GALNTL6: variants seen among roughly 807,000 people sequenced by gnomAD.
The protein encoded by GALNTL6 is polypeptide N-acetylgalactosaminyltransferase-like 6.
A neutral mutation model predicts 73.7 loss-of-function variants in GALNTL6; 46 were observed. The observed-to-expected ratio is 0.62, with a 90% CI of 0.49 to 0.80. The LOEUF (loss-of-function observed/expected upper bound fraction) is 0.80, where lower values mean the gene tolerates loss of function less well. Among genes scored for constraint, GALNTL6 ranks in the 30% least tolerant of loss-of-function variants. The probability of loss-of-function intolerance (pLI) is 0.00; values close to 1 mark genes in which losing one functional copy is unlikely to be tolerated. For synonymous variants in GALNTL6, 259 were observed against 263.7 expected, an observed-to-expected ratio of 0.98 and a Z score of 0.17; for missense variants, 604 against 755.0, an observed-to-expected ratio of 0.80 and a Z score of 2.34.
chr4:172,225,433 C>T (rs746528177), intron 2 of GALNTL6, among the ~76,000 whole-genome samples: 4 of 138,360 alleles, frequency 2.9e-5, no homozygotes, highest in Admixed American at 7.3e-5. Flanking sequence ...TTTTTTTTTA[C>T]GGTGACCATT....
intron 5 of GALNTL6, among the ~76,000 whole-genome samples, chr4:172,555,101 TG>T (rs1174386576): frequency 6.6e-6 from 1 of 152,196 alleles, no homozygotes; most frequent in Non-Finnish European, 1.5e-5. Context: ...TAGCTTTTAA[TG>T]TTGATTTTGT....
chr4:172,308,644 C>A (rs963280903), intron 3 of GALNTL6, among the ~76,000 whole-genome samples: 1 of 152,006 alleles, frequency 6.6e-6, no homozygotes, highest in Non-Finnish European at 1.5e-5. Flanking sequence ...TATTGACTTG[C>A]ACCTGGCATA....
chr4:172,274,498 C>T (rs945656762), intron 3 of GALNTL6, among the ~76,000 whole-genome samples: 3 of 152,166 alleles, frequency 2.0e-5, no homozygotes, highest in South Asian at 2.1e-4. Context: ...TCTGAGTATA[C>T]GTTAGGACAA....
intron 2 of GALNTL6, among the ~76,000 whole-genome samples, chr4:172,098,871 C>A (rs1732430654): frequency 6.6e-6 from 1 of 152,024 alleles, no homozygotes. Context: ...GTCAGTACTC[C>A]ACCCCCAAAC....
chr4:172,935,845 C>A (rs1176953702), intron 9 of GALNTL6, among the ~76,000 whole-genome samples: 1 of 152,168 alleles, frequency 6.6e-6, no homozygotes, highest in East Asian at 1.9e-4. Context: ...CAAATTCTAC[C>A]AGAGGTACAA....
intron 2 of GALNTL6, among the ~76,000 whole-genome samples, chr4:172,147,459 C>T (rs183500896): frequency 4.0e-4 from 61 of 152,246 alleles, no homozygotes; most frequent in African/African-American, 1.1e-3. Flanking sequence ...TCGATGTGTG[C>T]GGGTGCACAT....
At chr4:172,723,919 T>C (rs1218942962) in intron 5 of GALNTL6, among the ~76,000 whole-genome samples, 3 of 152,150 alleles carry the variant, frequency 2.0e-5, no homozygotes, top group Non-Finnish European at 4.4e-5. Flanking sequence ...ACTGATATGA[T>C]ATATCAGTGA....
intron 2 of GALNTL6, among the ~76,000 whole-genome samples, chr4:172,225,596 A>T (rs1321930972): frequency 6.6e-6 from 1 of 151,972 alleles, no homozygotes; most frequent in Admixed American, 6.6e-5. Context: ...ATTTCTAACA[A>T]GTTCCCATGA....
rs180944935 is a variant in GALNTL6 at position 172,874,822 on chromosome 4, T to G, written c.924-7968T>G. On this transcript the variant is annotated intron_variant, in intron 7 of 12. Coordinates refer to ENST00000506823, the MANE Select transcript of GALNTL6 (RefSeq NM_001034845.3). Reference sequence around the variant, plus strand: ...AGGTGAATTTCAAAAGAGAAAGAGTTGTTTTGACAAAAGACTTTGTGAAGC... The same window carrying G: ...AGGTGAATTTCAAAAGAGAAAGAGTGGTTTTGACAAAAGACTTTGTGAAGC... Among the ~76,000 whole-genome samples, 594 of 152,296 alleles carry G rather than the reference T, an allele frequency of 3.9e-3. 2 individuals are homozygous for G. Among genetic ancestry groups the G allele is most frequent in the Non-Finnish European group, 6.9e-3 (466 of 68,026 alleles).
intron 2 of GALNTL6, among the ~76,000 whole-genome samples, chr4:172,206,161 T>C (rs956025825): frequency 6.6e-6 from 1 of 152,180 alleles, no homozygotes; most frequent in Non-Finnish European, 1.5e-5. Context: ...CCTCCGCTCT[T>C]CCAGCTGGGA....
intron 2 of GALNTL6, chr4:172,052,325 T>G: frequency 1.5e-6 from 1 of 657,654 alleles, no homozygotes. Flanking sequence ...TCGGGTATAT[T>G]GTGAGCTTAT....
chr4:172,699,915 A>G (rs1359046544), intron 5 of GALNTL6, among the ~76,000 whole-genome samples: 2 of 152,298 alleles, frequency 1.3e-5, no homozygotes, highest in East Asian at 3.9e-4. Context: ...GAGGCCTGTA[A>G]TAGGATGCAA....
chr4:172,358,819 T>C (rs999399288), intron 5 of GALNTL6, among the ~76,000 whole-genome samples: 1 of 135,940 alleles, frequency 7.4e-6, no homozygotes, highest in Non-Finnish European at 1.5e-5. Context: ...TTTTGACCTT[T>C]GGAAAAAATT....
intron 2 of GALNTL6, among the ~76,000 whole-genome samples, chr4:171,972,737 A>C (rs1739607416): frequency 6.6e-6 from 1 of 152,130 alleles, no homozygotes; most frequent in African/African-American, 2.4e-5. Flanking sequence ...CTATCTATTA[A>C]ATTGGAAATG....
chr4:172,138,595 T>G (rs1384445397), intron 2 of GALNTL6, among the ~76,000 whole-genome samples: 1 of 132,506 alleles, frequency 7.5e-6, no homozygotes, highest in Non-Finnish European at 1.6e-5. Flanking sequence ...AGTGGCGCGA[T>G]CTCGGCTCAC....
chr4:172,343,153 A>G (rs1396447317), intron 4 of GALNTL6, among the ~76,000 whole-genome samples: 1 of 152,174 alleles, frequency 6.6e-6, no homozygotes, highest in East Asian at 1.9e-4. Context: ...CAAACAAACA[A>G]AACAAAACAA....
intron 2 of GALNTL6, among the ~76,000 whole-genome samples, chr4:171,821,137 G>T (rs1410211408): frequency 6.6e-6 from 1 of 152,078 alleles, no homozygotes; most frequent in Non-Finnish European, 1.5e-5. Context: ...CTGGGCTCAA[G>T]CAGTCCTCCT....
chr4:172,383,894 AT>A (rs1743374366), intron 5 of GALNTL6, among the ~76,000 whole-genome samples: 1 of 152,074 alleles, frequency 6.6e-6, no homozygotes, highest in South Asian at 2.1e-4. Flanking sequence ...TCCTTTATTA[AT>A]ATGATGTGTT....
intron 5 of GALNTL6, among the ~76,000 whole-genome samples, chr4:172,543,435 C>T (rs1192181249): frequency 6.6e-6 from 1 of 152,194 alleles, no homozygotes; most frequent in Non-Finnish European, 1.5e-5. Context: ...TGCGCCCATG[C>T]AAACTGGAAG....
Sources: allele counts gnomAD v4.1 joint callset (sites outside exome capture counted in the v4.1 genomes callset), GRCh38; gene constraint gnomAD v4.1.1; transcripts MANE v1.5; gene names NCBI Gene and HGNC (gene_info 2026-07-23, HGNC 2026-07-21).